Variants in EPHA5 observed in about 807,000 individuals in gnomAD.
The protein encoded by EPHA5 is ephrin type-A receptor 5.
A neutral mutation model predicts 105.0 loss-of-function variants in EPHA5; 60 were observed. The ratio of observed to expected loss-of-function variants is 0.57; its 90% CI spans 0.46 to 0.71. The LOEUF is 0.71. EPHA5 is among the 30% of genes least tolerant of loss of function. The pLI is 0.00. For missense variants in EPHA5, 1,218 were observed against 1,274.7 expected (o/e 0.96, Z 0.68); for synonymous variants, 513 against 449.1 (o/e 1.14, Z -1.80).
intron 3 of EPHA5, among the ~76,000 whole-genome samples, chr4:65,586,310 C>A (rs1742120571): frequency 6.6e-6 from 1 of 151,616 alleles, no homozygotes; most frequent in Non-Finnish European, 1.5e-5. Context: ...AAGTAACTCC[C>A]ATATTCAAGT....
intron 3 of EPHA5, among the ~76,000 whole-genome samples, chr4:65,585,917 G>A (rs1286745758): frequency 1.3e-5 from 2 of 151,474 alleles, no homozygotes; most frequent in Admixed American, 6.6e-5. Context: ...AATGCCTGCA[G>A]CCTTACTTTT....
rs1259116462 is a variant in EPHA5, at chr4:65,625,722, AAAAT to A, written c.246+17637_246+17640del. On this transcript the variant is annotated intron_variant, in intron 2 of 16. Coordinates refer to ENST00000613740, the MANE Select transcript of EPHA5 (RefSeq NM_001281766.3). ...TACTAATTGATTCAATTTACAATTT[AAAAT>A]AAATAAAATAAATTTTGGCATCATT... is the stretch of plus-strand genomic sequence containing the variant. 6.6e-5 allele frequency among the ~76,000 whole-genome samples: 10 copies of A among 152,340 alleles called. No homozygotes were observed. In the East Asian group the frequency reaches 1.9e-3, roughly 29 times the overall value.
intron 3 of EPHA5, among the ~76,000 whole-genome samples, chr4:65,583,816 T>C (rs1461014445): frequency 8.6e-5 from 13 of 151,806 alleles, no homozygotes; most frequent in African/African-American, 3.1e-4. Context: ...TTATTTGACA[T>C]TATGCATTTC....
rs930230315 is a variant in EPHA5, at chr4:65,521,041, T to C, written c.911-25498A>G. ...CATTACAGAGTATATACCCAAAAGA[T>C]TATAAATCATGCTGCTATAAAGACA... On this transcript the variant is annotated intron_variant, in intron 3 of 16. Coordinates refer to ENST00000613740, the MANE Select transcript of EPHA5 (RefSeq NM_001281766.3). 3.3e-5 allele frequency among the ~76,000 whole-genome samples: 5 copies of C among 152,070 alleles called. No homozygotes were observed. The South Asian group carries it at 8.3e-4, about 25-fold the overall frequency.
chr4:65,614,327 T>C (rs1488871020), intron 2 of EPHA5, among the ~76,000 whole-genome samples: 1 of 151,836 alleles, frequency 6.6e-6, no homozygotes, highest in Non-Finnish European at 1.5e-5. Flanking sequence ...AAAACATACA[T>C]AGAGCAAATG....
At chr4:65,427,277 C>A (rs552949180) in intron 5 of EPHA5, among the ~76,000 whole-genome samples, 9 of 150,564 alleles carry the variant, frequency 6.0e-5, no homozygotes, top group Non-Finnish European at 1.2e-4. Context: ...CTCTGCCTCC[C>A]GGGTTCAAGC....
chr4:65,643,071 T>A (rs2149514060), intron 2 of EPHA5, among the ~76,000 whole-genome samples: 1 of 152,158 alleles, frequency 6.6e-6, no homozygotes, highest in South Asian at 2.1e-4. Context: ...TGAAAGTTTC[T>A]TTGTTGTTTT....
chr4:65,557,462 A>T (rs1458571775), intron 3 of EPHA5, among the ~76,000 whole-genome samples: 1 of 151,934 alleles, frequency 6.6e-6, no homozygotes, highest in Non-Finnish European at 1.5e-5. Flanking sequence ...GCAAATATTT[A>T]TAGGGTATCA....
At chr4:65,634,031 G>A (rs1344598756) in intron 2 of EPHA5, among the ~76,000 whole-genome samples, 1 of 152,014 alleles carries the variant, frequency 6.6e-6, no homozygotes, top group Non-Finnish European at 1.5e-5. Context: ...AACTGCTAAC[G>A]AGGAGGAACA....
intron 3 of EPHA5, among the ~76,000 whole-genome samples, chr4:65,511,852 CA>C (rs1733656602): frequency 1.3e-5 from 2 of 151,990 alleles, no homozygotes; most frequent in Non-Finnish European, 2.9e-5. Flanking sequence ...TCCTAGAAAA[CA>C]AAACACCTTG....
chr4:65,343,116 AAG>A (rs1402722115), intron 14 of EPHA5, among the ~76,000 whole-genome samples: 2 of 152,194 alleles, frequency 1.3e-5, no homozygotes, highest in Non-Finnish European at 2.9e-5. Flanking sequence ...ATATAAGAGA[AAG>A]ACCTTGTCAC....
At position 65,322,450 on chromosome 4, in the gene EPHA5, T is replaced by A. The variant is rs1719709711; in HGVS notation, c.*1664A>T. Reference sequence around the variant, plus strand: ...TCTACTGTACTATTAACATTGATAATCATGAGTAGGCTGTATTTTATTTAA... The same window carrying A: ...TCTACTGTACTATTAACATTGATAAACATGAGTAGGCTGTATTTTATTTAA... On this transcript the variant is annotated 3_prime_UTR_variant, in exon 17 of 17. Transcript: ENST00000613740. The A allele has an allele frequency of 4.4e-6, 1 of 226,168 alleles. No individual in the cohort carries two copies. Among genetic ancestry groups the A allele is most frequent in the Non-Finnish European group, 8.8e-6 (1 of 113,572 alleles). 14.0% of individuals were successfully genotyped at this position (226,168 alleles called of 1,614,324 possible).
chr4:65,394,967 T>C (rs1167808432), intron 8 of EPHA5, among the ~76,000 whole-genome samples: 3 of 152,154 alleles, frequency 2.0e-5, no homozygotes, highest in African/African-American at 7.2e-5. Context: ...CTATGATGCT[T>C]TGATATCAGA....
rs933615839 is a variant in EPHA5, at chr4:65,321,003, T to C, written c.*3111A>G. 4.3e-6 allele frequency: 1 copy of C among 230,388 alleles called. No homozygotes were observed. The highest frequency in any genetic ancestry group is 5.7e-5 in the Admixed American group (1 of 17,614). The allele number at this position is 230,388 out of a possible 1,614,324, so 14.3% of individuals were successfully genotyped here. ...AAATCTTTACATCTTTACATAGAAA[T>C]AGTACATTATGAAAAGAGCAACTGG... On this transcript the variant is annotated 3_prime_UTR_variant, in exon 17 of 17. Coordinates refer to ENST00000613740, the MANE Select transcript of EPHA5 (RefSeq NM_001281766.3).
Position 65,576,113 on chromosome 4 carries a change from G to GAAAAGAAAAGAAAAGA in EPHA5, c.910+25527_910+25528insTCTTTTCTTTTCTTTT, listed in dbSNP as rs368323108. Among the ~76,000 whole-genome samples, 106 of 35,928 alleles carry GAAAAGAAAAGAAAAGA rather than the reference G, an allele frequency of 3.0e-3. 3 individuals are homozygous for GAAAAGAAAAGAAAAGA. Among genetic ancestry groups the GAAAAGAAAAGAAAAGA allele is most frequent in the South Asian group, 0.013 (11 of 824 alleles). 23.6% of individuals were successfully genotyped at this position (35,928 alleles called of 152,430 possible). ...GAAAAGAAAAGAAAAGAAAAGAAAA[G>GAAAAGAAAAGAAAAGA]AAAAAAGAAAAGAAAAGAAAAGAAA... On this transcript the variant is annotated intron_variant, in intron 3 of 16. Coordinates refer to ENST00000613740, the MANE Select transcript of EPHA5 (RefSeq NM_001281766.3).
chr4:65,366,901 T>A (rs1224701213), intron 9 of EPHA5, among the ~76,000 whole-genome samples: 2 of 151,854 alleles, frequency 1.3e-5, no homozygotes, highest in Non-Finnish European at 2.9e-5. Context: ...AAGGTCTTTT[T>A]AAGTCATTTG....
chr4:65,575,673 T>C (rs1212387006), intron 3 of EPHA5, among the ~76,000 whole-genome samples: 1 of 151,970 alleles, frequency 6.6e-6, no homozygotes, highest in Non-Finnish European at 1.5e-5. Context: ...AGAACTCTGT[T>C]AGAAATAACT....
chr4:65,577,755 G>C (rs1457842887), intron 3 of EPHA5, among the ~76,000 whole-genome samples: 2 of 152,010 alleles, frequency 1.3e-5, no homozygotes, highest in Non-Finnish European at 2.9e-5. Flanking sequence ...TAAAATATCA[G>C]TAGATATCCA....
intron 11 of EPHA5, among the ~76,000 whole-genome samples, chr4:65,354,989 A>C (rs1178617580): frequency 2.0e-5 from 3 of 151,784 alleles, no homozygotes; most frequent in African/African-American, 7.2e-5. Flanking sequence ...TGTTTGTCTA[A>C]AATACTTTAT....
Sources: gnomAD v4.1 joint callset for allele counts (sites outside exome capture counted in the v4.1 genomes callset) on GRCh38, gnomAD v4.1.1 for gene constraint, MANE v1.5 for transcripts, NCBI Gene and HGNC (gene_info 2026-07-23, HGNC 2026-07-21) for gene names.